ZNF638: variants seen among roughly 807,000 people sequenced by gnomAD.
The protein encoded by ZNF638 is CTCL tumor antigen se33-1.
In ZNF638, 46 loss-of-function variants were observed where a neutral mutation model predicts 195.6. The observed-to-expected ratio is 0.24, with a 90% CI of 0.19 to 0.30. ZNF638 has a LOEUF of 0.30. Ranked by LOEUF, ZNF638 falls within the 10% of genes least tolerant of loss-of-function variation. The pLI, the probability that ZNF638 is intolerant of heterozygous loss-of-function variation, is 1.00. For missense variants in ZNF638, 2,440 were observed against 2,325.3 expected (o/e 1.05, Z -1.01); for synonymous variants, 845 against 772.0 (o/e 1.09, Z -1.57).
chr2:71,364,141 A>G lies in ZNF638; in HGVS notation c.1606A>G (p.Arg536Gly). Reference protein sequence around the residue: ...CHRFISRYRSRSRSRSPYRIR... With the variant: ...CHRFISRYRSGSRSRSPYRIR... ...TCGTTTCATTTCTAGATACAGATCC[A>G]GATCCAGATCCCGTTCACCATATCG... The change falls in exon 5 of 28, where the codon AGA (arginine) becomes GGA (glycine). Residue 536 changes from arginine to glycine, a missense_variant. By Grantham distance (125) the Arg-to-Gly change is moderately radical. This residue lies in a region of ZNF638 where 1,883 missense variants were observed against 1,739.1 expected (regional missense o/e 1.08). Coordinates refer to ENST00000264447, the MANE Select transcript of ZNF638 (RefSeq NM_014497.5). 1 of 1,614,208 alleles carries G rather than the reference A, an allele frequency of 6.2e-7. No homozygotes were observed. The highest frequency in any genetic ancestry group is 8.5e-7 in the Non-Finnish European group (1 of 1,180,036).
intron 8 of ZNF638, among the ~76,000 whole-genome samples, chr2:71,372,760 C>G (rs536555125): frequency 3.3e-5 from 5 of 152,178 alleles, no homozygotes; most frequent in Non-Finnish European, 7.4e-5. Context: ...TTTAATTTTT[C>G]TACTAGCTGT....
intron 26 of ZNF638, 61 bp from the exon 27 acceptor site, chr2:71,433,104 G>C: frequency 7.9e-7 from 1 of 1,265,292 alleles, no homozygotes; most frequent in Non-Finnish European, 1.1e-6. Flanking sequence ...TGAATAAATC[G>C]ATGAACACAA....
intron 5 of ZNF638, among the ~76,000 whole-genome samples, chr2:71,364,817 A>G (rs1426885961): frequency 6.6e-6 from 1 of 152,218 alleles, no homozygotes; most frequent in East Asian, 1.9e-4. Context: ...TCCTTCTTAA[A>G]GTATGGCCCA....
intron 20 of ZNF638, among the ~76,000 whole-genome samples, chr2:71,410,729 G>T (rs1248161254): frequency 6.6e-6 from 1 of 152,120 alleles, no homozygotes; most frequent in East Asian, 1.9e-4. Context: ...TCTTAAAGTG[G>T]TCAGTGATAG....
At chr2:71,344,177 C>T (rs2078812771) in intron 1 of ZNF638, among the ~76,000 whole-genome samples, 1 of 152,152 alleles carries the variant, frequency 6.6e-6, no homozygotes, top group South Asian at 2.1e-4. Flanking sequence ...TTTTAGTATC[C>T]AAATTCTGAA....
chr2:71,392,466 T>A (rs2104401453), intron 10 of ZNF638, among the ~76,000 whole-genome samples: 1 of 149,316 alleles, frequency 6.7e-6, no homozygotes, highest in African/African-American at 2.4e-5. Flanking sequence ...TGACTCTGTT[T>A]GTTTGTTGCA....
At chr2:71,355,995 C>T (rs1328982566) in intron 3 of ZNF638, among the ~76,000 whole-genome samples, 1 of 152,084 alleles carries the variant, frequency 6.6e-6, no homozygotes, top group Non-Finnish European at 1.5e-5. Flanking sequence ...TAACTTAATT[C>T]CCAGTAGGTA....
At chr2:71,361,124 G>A (rs940134181) in intron 3 of ZNF638, among the ~76,000 whole-genome samples, 1 of 152,178 alleles carries the variant, frequency 6.6e-6, no homozygotes, top group Non-Finnish European at 1.5e-5. Context: ...ACCACGCTCA[G>A]CTAATTTTTT....
chr2:71,388,409 G>A (rs893540118), intron 10 of ZNF638: 2 of 670,590 alleles, frequency 3.0e-6, no homozygotes, highest in African/African-American at 3.5e-5. Flanking sequence ...TCATCCGCGT[G>A]CAGGACTGCT....
At chr2:71,403,791 TTTG>T in intron 16 of ZNF638, 76 bp from the exon 17 acceptor site, 2 of 1,041,234 alleles carry the variant, frequency 1.9e-6, no homozygotes, top group Non-Finnish European at 1.4e-6. Context: ...TTTGAAGTAG[TTTG>T]TTTATACTTG....
chr2:71,364,237 T>A lies in ZNF638; in HGVS notation c.1702T>A (p.Ser568Thr), dbSNP rs368032374. The A allele has an allele frequency of 3.1e-6, 5 of 1,613,532 alleles. No homozygotes were observed. The highest frequency in any genetic ancestry group is 4.2e-6 in the Non-Finnish European group (5 of 1,179,672). Reference protein sequence around the residue: ...SVSPERMSRRSVRSSDRKKAL... With the variant: ...SVSPERMSRRTVRSSDRKKAL... ...TAGCCCTGAGAGGATGTCAAGGAGA[T>A]CAGTGAGATCATCAGGTACACTGAT... The change falls in exon 5 of 28, where the codon TCA (serine) becomes ACA (threonine). Residue 568 changes from serine (S) to threonine (T), a missense_variant. By Grantham distance (58) the Ser-to-Thr change is moderately conservative. Around this residue, in one of 5 missense-constraint regions of ZNF638, gnomAD observed 1,883 missense variants for 1,739.1 expected, o/e 1.08. Coordinates refer to ENST00000264447, the MANE Select transcript of ZNF638 (RefSeq NM_014497.5).
chr2:71,370,989 A>C (rs1337390217), intron 8 of ZNF638, among the ~76,000 whole-genome samples: 1 of 151,816 alleles, frequency 6.6e-6, no homozygotes, highest in African/African-American at 2.4e-5. Flanking sequence ...TACCCTTCCC[A>C]GCCTCATAAC....
intron 2 of ZNF638, among the ~76,000 whole-genome samples, chr2:71,353,235 G>C (rs762551725): frequency 7.9e-5 from 12 of 152,158 alleles, no homozygotes; most frequent in Admixed American, 1.3e-4. Context: ...CTTTGAGAAC[G>C]TGAAATGTAT....
At chr2:71,350,347 G>T in intron 2 of ZNF638, 76 bp downstream of exon 2, 1 of 1,404,500 alleles carries the variant, frequency 7.1e-7, no homozygotes, top group Admixed American at 2.1e-5. Flanking sequence ...TATGTATGCT[G>T]CTTGTTAACT....
Position 71,431,342 on chromosome 2 carries a change from G to A in ZNF638, c.5666G>A (p.Gly1889Glu). The change falls in exon 26 of 28, where the codon GGA (glycine) becomes GAA (glutamate). Residue 1889 changes from glycine (G) to glutamate (E), a missense_variant. Gly to Glu is a moderately conservative substitution (Grantham distance 98, BLOSUM62 -2). This residue lies in a region of ZNF638 where 1,883 missense variants were observed against 1,739.1 expected (regional missense o/e 1.08). Coordinates refer to ENST00000264447, the MANE Select transcript of ZNF638 (RefSeq NM_014497.5). ...AAAATTTTAGTTGATGAGGAATCTG[G>A]ATTAAAGGATTCAGAACCAGAGCGA... Reference protein sequence around the residue: ...FQMSEVDEESGLKDSEPERKR... With the variant: ...FQMSEVDEESELKDSEPERKR... 1 of 1,613,356 alleles carries A rather than the reference G, an allele frequency of 6.2e-7. No individual in the cohort carries two copies. Among genetic ancestry groups the A allele is most frequent in the African/African-American group, 1.3e-5 (1 of 74,998 alleles).
chr2:71,376,518 C>T (rs898359577), intron 8 of ZNF638, among the ~76,000 whole-genome samples: 2 of 152,134 alleles, frequency 1.3e-5, no homozygotes, highest in Non-Finnish European at 2.9e-5. Context: ...GCTGAAAGAA[C>T]AAACTAGGAA....
Position 71,426,606 on chromosome 2 carries a change from A to G in ZNF638, c.4737A>G (p.Leu1579=). The G allele has an allele frequency of 6.2e-7, 1 of 1,614,180 alleles. No homozygotes were observed. The highest frequency in any genetic ancestry group is 8.5e-7 in the Non-Finnish European group (1 of 1,180,026). ...LKNVPFSELN[L]KKKKGKTSTP... is the part of the protein sequence containing the mutation. ...ATGTTCCTTTCTCTGAACTTAACTT[A>G]AAGAAGAAAAAGGGGAAAACTTCCA... The change falls in exon 24 of 28, where the codon TTA becomes TTG. Residue 1579 remains leucine (L), a synonymous_variant. Transcript: ENST00000264447.
intron 20 of ZNF638, among the ~76,000 whole-genome samples, chr2:71,417,802 T>C (rs953788378): frequency 6.6e-6 from 1 of 152,144 alleles, no homozygotes; most frequent in Non-Finnish European, 1.5e-5. Flanking sequence ...TCACCAGATA[T>C]CCCAGTAAAG....
At chr2:71,386,293 CAAAAAAAAAA>C (rs58219651) in intron 10 of ZNF638, among the ~76,000 whole-genome samples, 12 of 85,198 alleles carry the variant, frequency 1.4e-4, no homozygotes, top group East Asian at 6.7e-4. Flanking sequence ...GACCTTGTCT[CAAAAAAAAAA>C]AAAAAAAAAA....
Sources: allele counts gnomAD v4.1 joint callset (sites outside exome capture counted in the v4.1 genomes callset), GRCh38; gene constraint gnomAD v4.1.1; regional missense constraint gnomAD v4.1.1; transcripts MANE v1.5; gene names NCBI Gene and HGNC (gene_info 2026-07-23, HGNC 2026-07-21).